The following ATF6 variants were observed in gnomAD, a reference collection of about 807,000 sequenced individuals.
ATF6 encodes the protein cyclic AMP-dependent transcription factor ATF-6 alpha.
In ATF6, 53 loss-of-function variants were observed where a neutral mutation model predicts 83.6. The ratio of observed to expected loss-of-function variants is 0.63; its 90% confidence interval spans 0.51 to 0.80. The LOEUF (loss-of-function observed/expected upper bound fraction) is 0.80, where lower values mean the gene tolerates loss of function less well. Among genes scored for constraint, ATF6 ranks in the 30% least tolerant of loss-of-function variants. The pLI is 0.00. For synonymous variants in ATF6, 288 were observed against 285.8 expected, an observed-to-expected ratio of 1.01 and a Z score of -0.08; for missense variants, 744 against 797.9, an observed-to-expected ratio of 0.93 and a Z score of 0.81.
At chr1:161,902,359 A>G (rs1687803707) in intron 14 of ATF6, among the ~76,000 whole-genome samples, 1 of 152,212 alleles carries the variant, frequency 6.6e-6, no homozygotes. Flanking sequence ...TGCTTCAACA[A>G]GGATATTCTA....
At chr1:161,842,387 C>A (rs541713804) in intron 9 of ATF6, among the ~76,000 whole-genome samples, 2 of 152,106 alleles carry the variant, frequency 1.3e-5, no homozygotes, top group Admixed American at 1.3e-4. Context: ...GAAAAGAGGT[C>A]GTTAAACAAA....
chr1:161,766,493 G>A, intron 1 of ATF6, 51 bp downstream of exon 1: 1 of 1,572,804 alleles, frequency 6.4e-7, no homozygotes. Flanking sequence ...GCGTCTAAAG[G>A]TTTCTTCCTC....
At chr1:161,865,281 TC>T (rs1447343521) in intron 14 of ATF6, among the ~76,000 whole-genome samples, 1 of 152,058 alleles carries the variant, frequency 6.6e-6, no homozygotes, top group East Asian at 1.9e-4. Context: ...TGCCTCAGCC[TC>T]CTGAATAGCT....
intron 15 of ATF6, among the ~76,000 whole-genome samples, chr1:161,940,851 C>T (rs967186437): frequency 2.6e-5 from 4 of 152,268 alleles, no homozygotes; most frequent in African/African-American, 9.6e-5. Flanking sequence ...CGTGAGCCAC[C>T]GTGCCTGGCC....
chr1:161,817,647 A>C (rs968378097), intron 7 of ATF6, among the ~76,000 whole-genome samples: 1 of 152,184 alleles, frequency 6.6e-6, no homozygotes, highest in African/African-American at 2.4e-5. Flanking sequence ...AAATAAAAAA[A>C]CACCCTTTTT....
chr1:161,811,717 T>TATCC (rs1244383260), intron 7 of ATF6, among the ~76,000 whole-genome samples: 16 of 149,670 alleles, frequency 1.1e-4, no homozygotes, highest in Non-Finnish European at 1.9e-4. Flanking sequence ...ATCCATCCAC[T>TATCC]ATCCATCCAT....
rs1391242324 is a variant in ATF6 at position 161,781,982 on chromosome 1, A to G, written c.230A>G (p.Asn77Ser). ...TGGGAGTCAGACATTTGGGACATCA[A>G]CAACCAAATCTGTACAGGTAATTAT... Reference protein sequence around the residue: ...MPWESDIWDINNQICTVKDIK... With the variant: ...MPWESDIWDISNQICTVKDIK... The change falls in exon 3 of 16, where the codon AAC becomes AGC. Residue 77 changes from asparagine to serine, a missense_variant. Physicochemically the swap from Asn to Ser is conservative, Grantham distance 46 (BLOSUM62 1). Transcript: ENST00000367942. 1.9e-6 allele frequency: 3 copies of G among 1,607,304 alleles called. No homozygotes were observed. The highest frequency in any genetic ancestry group is 1.3e-5 in the African/African-American group (1 of 74,828).
rs1257058836 is a variant in ATF6, at chr1:161,807,942, C to T, written c.909+5670C>T. On this transcript the variant is annotated intron_variant, in intron 7 of 15. Transcript: ENST00000367942. ...TTGCCCAGGCTGGAGTACAATGGCACGCTCTTGGCTCACTGCAACCTCCAC... is the reference window on the plus strand; with the variant it reads ...TTGCCCAGGCTGGAGTACAATGGCATGCTCTTGGCTCACTGCAACCTCCAC... 6.8e-5 allele frequency among the ~76,000 whole-genome samples: 9 copies of T among 132,102 alleles called. No individual in the cohort carries two copies. The Admixed American group carries it at 7.5e-4, about 11-fold the overall frequency. 86.7% of individuals were successfully genotyped at this position (132,102 alleles called of 152,430 possible).
intron 15 of ATF6, among the ~76,000 whole-genome samples, chr1:161,946,623 GA>G (rs768821080): frequency 6.6e-6 from 1 of 152,224 alleles, no homozygotes; most frequent in Non-Finnish European, 1.5e-5. Flanking sequence ...GCCCTTGGGG[GA>G]TGGAGCAGGC....
At chr1:161,807,150 C>T (rs1476228119) in intron 7 of ATF6, among the ~76,000 whole-genome samples, 2 of 151,942 alleles carry the variant, frequency 1.3e-5, no homozygotes, top group Non-Finnish European at 2.9e-5. Context: ...CTTTGCATAC[C>T]CAATAAGACG....
intron 14 of ATF6, among the ~76,000 whole-genome samples, chr1:161,871,704 G>A (rs936143566): frequency 7.9e-5 from 12 of 151,512 alleles, no homozygotes; most frequent in Non-Finnish European, 1.6e-4. Context: ...CCCCAATGTT[G>A]CCACTCAGTG....
chr1:161,940,505 C>T (rs1688620549), intron 15 of ATF6, among the ~76,000 whole-genome samples: 1 of 151,622 alleles, frequency 6.6e-6, no homozygotes, highest in Non-Finnish European at 1.5e-5. Context: ...GAATTTCCCC[C>T]ACCTCAGACC....
At chr1:161,872,745 G>A (rs747474430) in intron 14 of ATF6, among the ~76,000 whole-genome samples, 2 of 151,482 alleles carry the variant, frequency 1.3e-5, no homozygotes, top group Non-Finnish European at 3.0e-5. Flanking sequence ...ATTTATTGTA[G>A]AGTAATCAGA....
chr1:161,870,258 C>G, intron 14 of ATF6, among the ~76,000 whole-genome samples: 1 of 151,652 alleles, frequency 6.6e-6, no homozygotes, highest in East Asian at 1.9e-4. Context: ...AGATTAAGTA[C>G]TTTAATAGAT....
chr1:161,829,152 A>T (rs1288189001), intron 9 of ATF6, among the ~76,000 whole-genome samples: 1 of 151,176 alleles, frequency 6.6e-6, no homozygotes, highest in Non-Finnish European at 1.5e-5. Flanking sequence ...AGAGACCTAC[A>T]AAGAGACTTA....
intron 11 of ATF6, among the ~76,000 whole-genome samples, chr1:161,852,594 A>G (rs911168821): frequency 3.3e-5 from 5 of 152,026 alleles, no homozygotes; most frequent in Admixed American, 1.3e-4. Flanking sequence ...AATAGGAAAT[A>G]CTTTTTATTT....
intron 15 of ATF6, among the ~76,000 whole-genome samples, chr1:161,939,638 G>C (rs1384439445): frequency 6.6e-6 from 1 of 152,190 alleles, no homozygotes; most frequent in Admixed American, 6.5e-5. Context: ...TTCTCAACAT[G>C]CTGTCTCCAT....
chr1:161,932,658 C>G (rs1454616379), intron 15 of ATF6, among the ~76,000 whole-genome samples: 1 of 152,150 alleles, frequency 6.6e-6, no homozygotes, highest in African/African-American at 2.4e-5. Flanking sequence ...ACCCCCAAAA[C>G]TTTAATGGCT....
In ATF6 at chr1:161,792,245, C is replaced by T. The variant is rs1307651333; in HGVS notation, c.606C>T (p.Thr202=). 6.2e-7 allele frequency: 1 copy of T among 1,614,118 alleles called. No homozygotes were observed. Among genetic ancestry groups the T allele is most frequent in the African/African-American group, 1.3e-5 (1 of 75,038 alleles). The change falls in exon 6 of 16, where the codon ACC becomes ACT. Residue 202 remains threonine, a synonymous_variant. Coordinates refer to ENST00000367942, the MANE Select transcript of ATF6 (RefSeq NM_007348.4). ...CAAACTCCAGTGTTCCAGCAAAAAC[C>T]ATCATTATTCAGACAGTACCAACGC... The part of the protein sequence containing the change: ...TQTNSSVPAK[T]IIIQTVPTLM...
Sources: gnomAD v4.1 joint callset for allele counts (sites outside exome capture counted in the v4.1 genomes callset) on GRCh38, gnomAD v4.1.1 for gene constraint, MANE v1.5 for transcripts, NCBI Gene and HGNC (gene_info 2026-07-23, HGNC 2026-07-21) for gene names.